The following CRMP1 variants were observed in gnomAD, a reference collection of about 807,000 sequenced individuals.
CRMP1 encodes the protein dihydropyrimidinase-related protein 1.
CRMP1 carries 19 observed loss-of-function variants against 68.3 expected under a neutral mutation model. The observed-to-expected ratio is 0.28, with a 90% CI of 0.19 to 0.41. The LOEUF is 0.41. CRMP1 is among the 10% of genes least tolerant of loss of function. The pLI, the probability that CRMP1 is intolerant of heterozygous loss-of-function variation, is 1.00. For missense variants in CRMP1, 791 were observed against 967.4 expected (o/e 0.82, Z 2.42); for synonymous variants, 439 against 399.6 (o/e 1.10, Z -1.18).
intron 11 of CRMP1, among the ~76,000 whole-genome samples, chr4:5,830,689 C>T (rs998558041): frequency 6.6e-6 from 1 of 152,148 alleles, no homozygotes; most frequent in Admixed American, 6.5e-5. Flanking sequence ...CCCTGCCAAA[C>T]TGTTTGGTTT....
rs1470602796 is a variant in CRMP1 at position 5,843,073 on chromosome 4, C to T, written c.1032+20G>A. Reference sequence around the variant, plus strand: ...TCAGTGGTGAGTGTCAGAGTCATGCCCAAGTTGAGGAGTCCTTACCTCTTC... The same window carrying T: ...TCAGTGGTGAGTGTCAGAGTCATGCTCAAGTTGAGGAGTCCTTACCTCTTC... On this transcript the variant is annotated intron_variant, in intron 7 of 13. Coordinates refer to ENST00000324989, the MANE Select transcript of CRMP1 (RefSeq NM_001014809.3). The surrounding 1 kb of genome is among the most constrained non-coding windows in gnomAD (Gnocchi z 4.1). 9 of 1,612,942 alleles carry T rather than the reference C, an allele frequency of 5.6e-6. No individual in the cohort carries two copies. Among genetic ancestry groups the T allele is most frequent in the Non-Finnish European group, 7.6e-6 (9 of 1,179,306 alleles).
rs964248914 is a variant in CRMP1, at chr4:5,825,286, G to GC, written c.1969+207dup. On this transcript the variant is annotated intron_variant, in intron 13 of 13. Transcript: ENST00000324989. The surrounding 1 kb of genome is among the most constrained non-coding windows in gnomAD (Gnocchi z 4.4). The stretch of plus-strand genomic sequence containing the variant: ...AACCCACATCAGGTACCACCATGTT[G>GC]CCCCCCTAACATGGACCCCCCTCTG... 2.0e-6 allele frequency: 2 copies of GC among 985,054 alleles called. No individual in the cohort carries two copies. The highest frequency in any genetic ancestry group is 3.5e-5 in the African/African-American group (2 of 57,136). 61.0% of individuals were successfully genotyped at this position (985,054 alleles called of 1,614,324 possible). A position where few individuals can be genotyped will look rare whatever the true frequency, so the allele number is the denominator to read the frequency against.
At position 5,870,857 on chromosome 4, in the gene CRMP1, C is replaced by T. The variant is rs1450355644; in HGVS notation, c.382-4101G>A. Among the ~76,000 whole-genome samples the T allele has an allele frequency of 6.6e-6, 1 of 152,192 alleles. No individual in the cohort carries two copies. The highest frequency in any genetic ancestry group is 1.5e-5 in the Non-Finnish European group (1 of 68,040). ...CAGGCTCTGCACGTCCAGGAAGCAC[C>T]CACAAGCTGGCGTGCATGTTTCCCC... is the stretch of plus-strand genomic sequence containing the variant. On this transcript the variant is annotated intron_variant, in intron 1 of 13. Transcript: ENST00000324989. The surrounding 1 kb of genome is among the most constrained non-coding windows in gnomAD (Gnocchi z 6.0).
rs1222571991 is a variant in CRMP1, at chr4:5,838,239, A to T, written c.1310+1283T>A. 6.6e-6 allele frequency among the ~76,000 whole-genome samples: 1 copy of T among 152,126 alleles called. No individual in the cohort carries two copies. Among genetic ancestry groups the T allele is most frequent in the African/African-American group, 2.4e-5 (1 of 41,416 alleles). ...GTCCTGCCTGGGGTTCAGGGTCAGC[A>T]TGAAGCTGGGACTGGACCGAGGGAG... On this transcript the variant is annotated intron_variant, in intron 9 of 13. Coordinates refer to ENST00000324989, the MANE Select transcript of CRMP1 (RefSeq NM_001014809.3). This position sits in a 1 kb window ranked among gnomAD's most constrained non-coding sequence, Gnocchi z 4.9.
chr4:5,888,485 G>A lies in CRMP1; in HGVS notation c.381+4104C>T, dbSNP rs1715765831. 1.7e-6 allele frequency: 2 copies of A among 1,206,046 alleles called. No individual in the cohort carries two copies. The highest frequency in any genetic ancestry group is 3.2e-5 in the African/African-American group (2 of 63,372). The allele number at this position is 1,206,046 out of a possible 1,614,324, so 74.7% of individuals were successfully genotyped here. The stretch of plus-strand genomic sequence containing the variant: ...CTGCCAGCACCGCCCGGATCGGCGA[G>A]GAGGGCGGGAGAAGGAGGAGGGAGA... On this transcript the variant is annotated intron_variant, in intron 1 of 13. Transcript: ENST00000324989. The surrounding 1 kb of genome is among the most constrained non-coding windows in gnomAD (Gnocchi z 6.4).
intron 1 of CRMP1, among the ~76,000 whole-genome samples, chr4:5,874,062 G>A (rs946943469): frequency 6.6e-6 from 1 of 152,224 alleles, no homozygotes; most frequent in African/African-American, 2.4e-5. Context: ...AGAATGTGTA[G>A]CAGGCAAGTT....
In CRMP1 at chr4:5,849,776, T is replaced by C. The variant is rs531938963; in HGVS notation, c.883-304A>G. Among the ~76,000 whole-genome samples, 4 of 152,320 alleles carry C rather than the reference T, an allele frequency of 2.6e-5. No homozygotes were observed. In the East Asian group the frequency reaches 7.7e-4, roughly 29 times the overall value. On this transcript the variant is annotated intron_variant, in intron 5 of 13. Coordinates refer to ENST00000324989, the MANE Select transcript of CRMP1 (RefSeq NM_001014809.3). ...CCTATCTATGCCTTTTGCTGTCTTT[T>C]TGGGTTGGCTTTTTTGAAACACCTG...
Position 5,859,757 on chromosome 4 carries a change from C to T in CRMP1, c.655+1269G>A, listed in dbSNP as rs1413270177. 6.6e-6 allele frequency among the ~76,000 whole-genome samples: 1 copy of T among 152,074 alleles called. No homozygotes were observed. Among genetic ancestry groups the T allele is most frequent in the Non-Finnish European group, 1.5e-5 (1 of 68,008 alleles). ...TCAGGACAGTGCTTGCCTCAAAAGT[C>T]GAGCCCCACCCTCCTGGCTCAGGGA... On this transcript the variant is annotated intron_variant, in intron 3 of 13. Transcript: ENST00000324989. The surrounding 1 kb of genome is among the most constrained non-coding windows in gnomAD (Gnocchi z 5.2).
intron 12 of CRMP1, among the ~76,000 whole-genome samples, chr4:5,827,031 AG>A (rs146958261): frequency 6.6e-6 from 1 of 152,272 alleles, no homozygotes; most frequent in African/African-American, 2.4e-5. Flanking sequence ...CCTGAAGCTC[AG>A]GTGGCCAGAG....
intron 13 of CRMP1, among the ~76,000 whole-genome samples, chr4:5,822,835 G>T (rs113830215): frequency 6.6e-6 from 1 of 152,134 alleles, no homozygotes; most frequent in Non-Finnish European, 1.5e-5. Flanking sequence ...ACAGAAAAAC[G>T]TAAGTAAGTT....
intron 1 of CRMP1, among the ~76,000 whole-genome samples, chr4:5,868,257 A>C (rs988638605): frequency 2.3e-4 from 19 of 82,408 alleles, no homozygotes; most frequent in Middle Eastern, 6.0e-3. Context: ...TCATGACTAT[A>C]TATCTATATA....
chr4:5,827,094 G>A (rs1004594194), intron 12 of CRMP1, among the ~76,000 whole-genome samples: 12 of 152,200 alleles, frequency 7.9e-5, no homozygotes, highest in African/African-American at 2.4e-4. Context: ...CTGCAGGCAT[G>A]AAGGAATCCC....
intron 1 of CRMP1, among the ~76,000 whole-genome samples, chr4:5,873,301 C>T (rs565739175): frequency 9.9e-5 from 15 of 152,238 alleles, no homozygotes; most frequent in South Asian, 4.1e-4. Flanking sequence ...ACAGCAAAGG[C>T]GAAAAGGGAT....
Position 5,841,229 on chromosome 4 carries a change from G to T in CRMP1, c.1153+79C>A, listed in dbSNP as rs111989767. The T allele has an allele frequency of 1.2e-6, 2 of 1,608,866 alleles. No homozygotes were observed. The highest frequency in any genetic ancestry group is 1.3e-5 in the African/African-American group (1 of 74,942). On this transcript the variant is annotated intron_variant, in intron 8 of 13. Transcript: ENST00000324989. This position sits in a 1 kb window ranked among gnomAD's most constrained non-coding sequence, Gnocchi z 6.9. ...CCTCCGGCTGCCTGTCTGAGTTCGG[G>T]AGGGAGTGAACTTGAACCTGCAGGA... is the stretch of plus-strand genomic sequence containing the variant.
At chr4:5,871,615 G>A (rs977831504) in intron 1 of CRMP1, among the ~76,000 whole-genome samples, 2 of 151,920 alleles carry the variant, frequency 1.3e-5, no homozygotes, top group Non-Finnish European at 2.9e-5. Context: ...AGCCGAGATC[G>A]CACCACTGCA....
chr4:5,879,771 C>T lies in CRMP1; in HGVS notation c.381+12818G>A, dbSNP rs1715107378. Among the ~76,000 whole-genome samples, 1 of 151,856 alleles carries T rather than the reference C, an allele frequency of 6.6e-6. No homozygotes were observed. Among genetic ancestry groups the T allele is most frequent in the Non-Finnish European group, 1.5e-5 (1 of 68,008 alleles). On this transcript the variant is annotated intron_variant, in intron 1 of 13. Coordinates refer to ENST00000324989, the MANE Select transcript of CRMP1 (RefSeq NM_001014809.3). The surrounding 1 kb of genome is among the most constrained non-coding windows in gnomAD (Gnocchi z 4.2). ...AGAGGAGTTGATGGCCTTAGGAAGC[C>T]TTTAAACTCGTTTAAGAGGTTCCCA...
rs969435390 is a variant in CRMP1, at chr4:5,834,654, T to C, written c.1623+1261A>G. Among the ~76,000 whole-genome samples the C allele has an allele frequency of 1.3e-5, 2 of 152,188 alleles. No individual in the cohort carries two copies. The highest frequency in any genetic ancestry group is 2.9e-5 in the Non-Finnish European group (2 of 68,034). On this transcript the variant is annotated intron_variant, in intron 11 of 13. Coordinates refer to ENST00000324989, the MANE Select transcript of CRMP1 (RefSeq NM_001014809.3). This position sits in a 1 kb window ranked among gnomAD's most constrained non-coding sequence, Gnocchi z 4.3. Reference sequence around the variant, plus strand: ...AAGACCCTCTCAGACGCTCTCCCATTGCCTCTCCTATGTGCACAGACCCCA... The same window carrying C: ...AAGACCCTCTCAGACGCTCTCCCATCGCCTCTCCTATGTGCACAGACCCCA...
chr4:5,892,737 G>A lies in CRMP1; in HGVS notation c.233C>T (p.Pro78Leu). The change falls in exon 1 of 14, where the codon CCG becomes CTG. Residue 78 changes from proline (P) to leucine (L), a missense_variant. Physicochemically the swap from Pro to Leu is moderately conservative, Grantham distance 98 (BLOSUM62 -3). Coordinates refer to ENST00000324989, the MANE Select transcript of CRMP1 (RefSeq NM_001014809.3). This position sits in a 1 kb window ranked among gnomAD's most constrained non-coding sequence, Gnocchi z 8.6. The part of the protein sequence containing the change: ...GRPDAVGLPG[P>L]GGSEDTASDV... ...GCTGGCCGTGTCCTCGCTGCCTCCCGGCCCTGGCAGCCCGACCGCGTCGGG... is the reference window on the plus strand; with the variant it reads ...GCTGGCCGTGTCCTCGCTGCCTCCCAGCCCTGGCAGCCCGACCGCGTCGGG... The A allele has an allele frequency of 7.3e-6, 9 of 1,224,708 alleles. No homozygotes were observed. Among genetic ancestry groups the A allele is most frequent in the Non-Finnish European group, 7.1e-6 (7 of 984,532 alleles). 75.9% of individuals were successfully genotyped at this position (1,224,708 alleles called of 1,614,324 possible).
chr4:5,882,549 A>G (rs545633395), intron 1 of CRMP1, among the ~76,000 whole-genome samples: 1 of 152,380 alleles, frequency 6.6e-6, no homozygotes, highest in Admixed American at 6.5e-5. Context: ...ATATTAAGTC[A>G]TTTAATTCTA....
Sources: allele counts gnomAD v4.1 joint callset (sites outside exome capture counted in the v4.1 genomes callset), GRCh38; gene constraint gnomAD v4.1.1; non-coding constraint Gnocchi (gnomAD v3.1); transcripts MANE v1.5; gene names NCBI Gene and HGNC (gene_info 2026-07-23, HGNC 2026-07-21).